Variants in OTULIN observed in about 807,000 individuals in gnomAD.
The protein encoded by OTULIN is ubiquitin thioesterase otulin.
A neutral mutation model predicts 39.6 loss-of-function variants in OTULIN; 15 were observed. The observed-to-expected ratio is 0.38, with a 90% confidence interval of 0.25 to 0.58. The LOEUF (loss-of-function observed/expected upper bound fraction) is 0.58, where lower values mean the gene tolerates loss of function less well. Ranked by LOEUF, OTULIN falls within the 20% of genes least tolerant of loss-of-function variation. The pLI is 0.66. For synonymous variants in OTULIN, 156 were observed against 170.3 expected (o/e 0.92, Z 0.65); for missense variants, 319 against 445.9 (o/e 0.72, Z 2.56).
At chr5:14,682,385 TAGC>T (rs748591438) in intron 4 of OTULIN, among the ~76,000 whole-genome samples, 5 of 152,168 alleles carry the variant, frequency 3.3e-5, no homozygotes, top group Non-Finnish European at 5.9e-5. Context: ...CCTGTTCAGT[TAGC>T]AGCCATCAAC....
chr5:14,703,985 TA>T (rs1030218096), downstream of OTULIN, among the ~76,000 whole-genome samples: 3 of 151,814 alleles, frequency 2.0e-5, no homozygotes, highest in Non-Finnish European at 2.9e-5. Flanking sequence ...TATGAGGAGC[TA>T]AAAAAAATTA....
downstream of OTULIN, among the ~76,000 whole-genome samples, chr5:14,703,518 G>C (rs1736854340): frequency 6.6e-6 from 1 of 152,078 alleles, no homozygotes; most frequent in African/African-American, 2.4e-5. Flanking sequence ...CTGGCGGTGG[G>C]GGGTTGAGGA....
chr5:14,710,997 A>G, the OTULIN span: 1 of 609,358 alleles, frequency 1.6e-6, no homozygotes, highest in Non-Finnish European at 3.0e-6. Context: ...GCAACAGTAA[A>G]GACCATTCAC....
intron 3 of OTULIN, among the ~76,000 whole-genome samples, chr5:14,679,802 T>A (rs761594026): frequency 6.6e-6 from 1 of 152,254 alleles, no homozygotes. Context: ...AAGTCTGATA[T>A]GTAGATGCTT....
intron 2 of OTULIN, among the ~76,000 whole-genome samples, chr5:14,675,278 GT>G (rs1214381345): frequency 3.9e-5 from 6 of 152,188 alleles, no homozygotes; most frequent in Non-Finnish European, 8.8e-5. Context: ...GTGCTCTTCT[GT>G]TTTGAGAACT....
chr5:14,696,355 G>C lies in OTULIN; in HGVS notation c.*3307G>C, dbSNP rs188866561. 16 of 152,284 alleles carry C rather than the reference G, an allele frequency of 1.1e-4. No individual in the cohort carries two copies. Among genetic ancestry groups the C allele is most frequent in the Admixed American group, 9.8e-4 (15 of 15,298 alleles). 9.4% of individuals were successfully genotyped at this position (152,284 alleles called of 1,614,324 possible). ...TCCTTTTCTTAAGCAGTACTTTGCA[G>C]GTACTCCCCTTTGAAAGCCAGAAGC... On this transcript the variant is annotated 3_prime_UTR_variant, in exon 7 of 7. Transcript: ENST00000284274.
intron 5 of OTULIN, 108 bp from the exon 6 acceptor site, chr5:14,689,931 A>G (rs1579976397): frequency 8.7e-7 from 1 of 1,146,254 alleles, no homozygotes; most frequent in East Asian, 2.4e-5. Flanking sequence ...AGCATTGGTA[A>G]GTGACCCATG....
chr5:14,698,205 C>T lies in OTULIN; in HGVS notation c.*5157C>T, dbSNP rs1267731369. The stretch of plus-strand genomic sequence containing the variant: ...GAGGATAACAAGCCAACTTTAGACC[C>T]TCTGCCAGTGGCGATGGTGTTTTTC... On this transcript the variant is annotated 3_prime_UTR_variant, in exon 7 of 7. Coordinates refer to ENST00000284274, the MANE Select transcript of OTULIN (RefSeq NM_138348.6). 1.3e-5 allele frequency: 2 copies of T among 152,204 alleles called. No individual in the cohort carries two copies. The highest frequency in any genetic ancestry group is 2.9e-5 in the Non-Finnish European group (2 of 68,038). The allele number at this position is 152,204 out of a possible 1,614,324, so 9.4% of individuals were successfully genotyped here.
chr5:14,712,696 CTTT>C, the OTULIN span, among the ~76,000 whole-genome samples: 3 of 152,208 alleles, frequency 2.0e-5, no homozygotes, highest in Non-Finnish European at 4.4e-5. Flanking sequence ...AGCTTTTCCC[CTTT>C]TTTCTTACCC....
At chr5:14,699,961 T>C (rs939510426), downstream of OTULIN, among the ~76,000 whole-genome samples, 4 of 152,234 alleles carry the variant, frequency 2.6e-5, no homozygotes, top group Non-Finnish European at 4.4e-5. Flanking sequence ...GTGCCATTGA[T>C]GTACAGTCCC....
At chr5:14,708,359 C>G in the OTULIN span, 3 of 152,194 alleles carry the variant, frequency 2.0e-5, no homozygotes, top group African/African-American at 7.2e-5. Flanking sequence ...AAAGTCACAC[C>G]TGGTCTTTCC....
the OTULIN span, chr5:14,708,031 C>T: frequency 5.3e-5 from 8 of 152,130 alleles, no homozygotes; most frequent in Non-Finnish European, 8.8e-5. Context: ...GCCATGTGGC[C>T]GGCAGGTCCA....
the OTULIN span, chr5:14,707,525 T>G: frequency 6.6e-6 from 1 of 152,182 alleles, no homozygotes; most frequent in Admixed American, 6.5e-5. Context: ...AGGAGAGAGA[T>G]CCAGAGGGCT....
chr5:14,690,022 T>A lies in OTULIN; in HGVS notation c.595-17T>A. 1 of 1,602,606 alleles carries A rather than the reference T, an allele frequency of 6.2e-7. No homozygotes were observed. The highest frequency in any genetic ancestry group is 8.5e-7 in the Non-Finnish European group (1 of 1,174,650). ...TAGAACAAAAATTCTAATTATTACA[T>A]AACTTTCTTATTGTAGTGGGCAGGC... On this transcript the variant is annotated splice_polypyrimidine_tract_variant and intron_variant, in intron 5 of 6. Coordinates refer to ENST00000284274, the MANE Select transcript of OTULIN (RefSeq NM_138348.6). This position sits in a 1 kb window ranked among gnomAD's most constrained non-coding sequence, Gnocchi z 4.5.
intron 5 of OTULIN, 155 bp downstream of exon 5, chr5:14,687,801 G>A (rs1736423709): frequency 2.3e-6 from 2 of 851,874 alleles, no homozygotes; most frequent in South Asian, 2.1e-5. Context: ...CTCTTCCCAC[G>A]AGGGCTTTAG....
chr5:14,689,427 A>G (rs1736467020), intron 5 of OTULIN, among the ~76,000 whole-genome samples: 1 of 152,190 alleles, frequency 6.6e-6, no homozygotes, highest in South Asian at 2.1e-4. Flanking sequence ...ACATATATTT[A>G]TAGGTTTTCT....
chr5:14,681,753 ATTT>A (rs1736257563), intron 4 of OTULIN, 146 bp downstream of exon 4: 2 of 923,380 alleles, frequency 2.2e-6, no homozygotes, highest in Admixed American at 7.1e-5. Flanking sequence ...GGCTGGGGTG[ATTT>A]CACATAGTTA....
intron 5 of OTULIN, 141 bp downstream of exon 5, chr5:14,687,787 C>G (rs1443444189): frequency 9.7e-7 from 1 of 1,032,558 alleles, no homozygotes. Context: ...TAAATGAATT[C>G]AAACTCTTCC....
chr5:14,686,305 T>G (rs765603745), intron 4 of OTULIN, among the ~76,000 whole-genome samples: 1 of 152,128 alleles, frequency 6.6e-6, no homozygotes, highest in African/African-American at 2.4e-5. Context: ...CTATATAAAG[T>G]TTTTAATTTT....
Sources: allele counts gnomAD v4.1 joint callset (sites outside exome capture counted in the v4.1 genomes callset), GRCh38; gene constraint gnomAD v4.1.1; non-coding constraint Gnocchi (gnomAD v3.1); transcripts MANE v1.5; gene names NCBI Gene and HGNC (gene_info 2026-07-23, HGNC 2026-07-21).